RALGPS1: variants seen among roughly 807,000 people sequenced by gnomAD.
RALGPS1 encodes the protein ras-specific guanine nucleotide-releasing factor RalGPS1.
RALGPS1 carries 19 observed loss-of-function variants against 78.8 expected under a neutral mutation model. The ratio of observed to expected loss-of-function variants is 0.24; its 90% CI spans 0.17 to 0.35. The LOEUF (loss-of-function observed/expected upper bound fraction) is 0.35, where lower values mean the gene tolerates loss of function less well. RALGPS1 is among the 10% of genes least tolerant of loss of function. The pLI is 1.00. For missense variants in RALGPS1, 454 were observed against 688.3 expected (o/e 0.66, Z 3.81); for synonymous variants, 228 against 256.3 (o/e 0.89, Z 1.06).
At position 127,199,478 on chromosome 9, in the gene RALGPS1, A is replaced by G. The variant is rs117839966; in HGVS notation, c.1247+412A>G. Among the ~76,000 whole-genome samples the G allele has an allele frequency of 7.0e-3, 1,063 of 150,906 alleles. 6 individuals are homozygous for G. The highest frequency in any genetic ancestry group is 0.042 in the South Asian group (199 of 4,766). ...GGCCTCAGGCCTTCGGTATTTATTG[A>G]CCCCCACCCTGCTAGGCACTGGTGA... On this transcript the variant is annotated intron_variant, in intron 14 of 18. Coordinates refer to ENST00000259351, the MANE Select transcript of RALGPS1 (RefSeq NM_014636.3).
chr9:127,218,860 C>T lies in RALGPS1; in HGVS notation c.*91C>T, dbSNP rs2062700055. The T allele has an allele frequency of 1.4e-6, 2 of 1,443,306 alleles. No homozygotes were observed. Among genetic ancestry groups the T allele is most frequent in the African/African-American group, 1.4e-5 (1 of 71,266 alleles). The allele number at this position is 1,443,306 out of a possible 1,614,324, so 89.4% of individuals were successfully genotyped here. A position where few individuals can be genotyped will look rare whatever the true frequency, so the allele number is the denominator to read the frequency against. ...AGCAGTCCTGGGCACAGGCTGTGAG[C>T]CAGGGTGCTGGGAAACTCACAGCTG... On this transcript the variant is annotated 3_prime_UTR_variant, in exon 19 of 19. Transcript: ENST00000259351. This position sits in a 1 kb window ranked among gnomAD's most constrained non-coding sequence, Gnocchi z 4.4.
chr9:127,199,666 C>T (rs1337728885), intron 14 of RALGPS1, among the ~76,000 whole-genome samples: 2 of 152,072 alleles, frequency 1.3e-5, no homozygotes, highest in East Asian at 1.9e-4. Context: ...GCCTCCTGCT[C>T]AGGAATTCCC....
chr9:127,140,253 A>T (rs1251176618), intron 8 of RALGPS1, among the ~76,000 whole-genome samples: 1 of 152,206 alleles, frequency 6.6e-6, no homozygotes. Context: ...AGGCAGTGCA[A>T]CAGGTCAGTC....
At chr9:127,074,575 T>C (rs1416828161) in intron 8 of RALGPS1, among the ~76,000 whole-genome samples, 1 of 152,146 alleles carries the variant, frequency 6.6e-6, no homozygotes, top group Admixed American at 6.5e-5. Context: ...CTAGCAGAGG[T>C]GTTCCAGGGT....
intron 8 of RALGPS1, among the ~76,000 whole-genome samples, chr9:127,155,938 T>A (rs940183858): frequency 1.3e-5 from 2 of 151,944 alleles, no homozygotes; most frequent in African/African-American, 4.8e-5. Context: ...TATATATTCA[T>A]AGCTAAAGGT....
chr9:126,918,708 T>A (rs1287589996), intron 1 of RALGPS1, among the ~76,000 whole-genome samples: 1 of 151,118 alleles, frequency 6.6e-6, no homozygotes, highest in Non-Finnish European at 1.5e-5. Flanking sequence ...GTTTCACTCT[T>A]GTTGCCCAGG....
intron 7 of RALGPS1, among the ~76,000 whole-genome samples, chr9:127,056,594 C>T (rs1013896538): frequency 2.0e-5 from 3 of 152,164 alleles, no homozygotes; most frequent in Non-Finnish European, 4.4e-5. Flanking sequence ...ATCCAAATCA[C>T]CCCCAGCCCC....
chr9:126,950,601 T>C (rs1470748729), intron 1 of RALGPS1, among the ~76,000 whole-genome samples: 16 of 152,090 alleles, frequency 1.1e-4, no homozygotes, highest in African/African-American at 3.6e-4. Context: ...GAAATAAAGA[T>C]GTTCTTTGAA....
chr9:127,161,488 A>C (rs1031795174), intron 8 of RALGPS1, among the ~76,000 whole-genome samples: 20 of 152,128 alleles, frequency 1.3e-4, no homozygotes, highest in African/African-American at 4.8e-4. Flanking sequence ...ACGTTCTCTC[A>C]CTTATACCAC....
intron 18 of RALGPS1, chr9:127,217,402 C>T (rs1316430470): frequency 1.0e-6 from 1 of 989,964 alleles, no homozygotes; most frequent in Non-Finnish European, 1.2e-6. Context: ...GATGGAATGC[C>T]AGGAGGGTGT....
At chr9:127,119,744 A>G (rs2055848101) in intron 8 of RALGPS1, among the ~76,000 whole-genome samples, 1 of 152,166 alleles carries the variant, frequency 6.6e-6, no homozygotes, top group Non-Finnish European at 1.5e-5. Context: ...CCCCTGCTGG[A>G]CCATGTGCGT....
intron 4 of RALGPS1, among the ~76,000 whole-genome samples, chr9:127,032,373 G>GCACA (rs35466028): frequency 4.6e-5 from 7 of 151,118 alleles, no homozygotes; most frequent in South Asian, 2.1e-4. Context: ...ATGTGCGTGT[G>GCACA]CACACACACA....
At chr9:127,081,178 G>A (rs1315965065) in intron 8 of RALGPS1, among the ~76,000 whole-genome samples, 1 of 152,190 alleles carries the variant, frequency 6.6e-6, no homozygotes, top group Admixed American at 6.5e-5. Context: ...ACCAACACTA[G>A]ATATTATCCA....
intron 1 of RALGPS1, among the ~76,000 whole-genome samples, chr9:126,943,610 T>C (rs781089303): frequency 2.0e-5 from 3 of 152,146 alleles, no homozygotes; most frequent in South Asian, 2.1e-4. Flanking sequence ...CCTGCAGTGC[T>C]CTCCGTGGAA....
intron 3 of RALGPS1, among the ~76,000 whole-genome samples, chr9:126,972,007 T>C (rs1242647810): frequency 6.6e-6 from 1 of 152,228 alleles, no homozygotes; most frequent in Non-Finnish European, 1.5e-5. Flanking sequence ...GAATTCTGCA[T>C]TGTGGTCTTG....
At chr9:127,030,196 T>G (rs1445705539) in intron 4 of RALGPS1, among the ~76,000 whole-genome samples, 4 of 152,154 alleles carry the variant, frequency 2.6e-5, no homozygotes, top group Non-Finnish European at 5.9e-5. Context: ...CCTGGCTATC[T>G]TGGACGGGAG....
chr9:127,031,970 TTAA>T (rs1464154904), intron 4 of RALGPS1, among the ~76,000 whole-genome samples: 1 of 152,196 alleles, frequency 6.6e-6, no homozygotes, highest in Non-Finnish European at 1.5e-5. Flanking sequence ...ATAGATTTTG[TTAA>T]TAATTCAAGA....
At chr9:127,188,782 A>G (rs912784888) in intron 11 of RALGPS1, among the ~76,000 whole-genome samples, 2 of 147,864 alleles carry the variant, frequency 1.4e-5, no homozygotes, top group East Asian at 2.1e-4. Flanking sequence ...CCTGGCCAAC[A>G]TGGTCGCAAA....
chr9:127,192,657 C>CA (rs919021980), intron 11 of RALGPS1, among the ~76,000 whole-genome samples: 73 of 148,282 alleles, frequency 4.9e-4, no homozygotes, highest in Non-Finnish European at 7.5e-4. Flanking sequence ...GACCCTGTGT[C>CA]AAAAAAAAAG....
Sources: gnomAD v4.1 joint callset for allele counts (sites outside exome capture counted in the v4.1 genomes callset) on GRCh38, gnomAD v4.1.1 for gene constraint, Gnocchi (gnomAD v3.1) non-coding constraint, MANE v1.5 for transcripts, NCBI Gene and HGNC (gene_info 2026-07-23, HGNC 2026-07-21) for gene names.